STAB2: variants seen among roughly 807,000 people sequenced by gnomAD.
STAB2 encodes the protein stabilin-2.
STAB2 carries 288 observed loss-of-function variants against 338.1 expected under a neutral mutation model. The observed-to-expected ratio is 0.85, with a 90% CI of 0.77 to 0.94. STAB2 has a LOEUF of 0.94. STAB2 is among the 40% of genes least tolerant of loss of function. The probability of loss-of-function intolerance (pLI) is 0.00; values close to 1 mark genes in which losing one functional copy is unlikely to be tolerated. For synonymous variants in STAB2, 1,202 were observed against 1,193.3 expected, an observed-to-expected ratio of 1.01 and a Z score of -0.15; for missense variants, 3,141 against 3,210.1, an observed-to-expected ratio of 0.98 and a Z score of 0.52.
At chr12:103,680,723 A>AC (rs1222543437) in intron 25 of STAB2, among the ~76,000 whole-genome samples, 33 of 152,298 alleles carry the variant, frequency 2.2e-4, no homozygotes, top group African/African-American at 7.9e-4. Context: ...CCTGCACCTC[A>AC]CCCTGGGGTG....
chr12:103,705,100 A>G (rs1300827962), intron 36 of STAB2: 4 of 156,586 alleles, frequency 2.6e-5, no homozygotes, highest in Non-Finnish European at 5.6e-5. Flanking sequence ...TACATTACAA[A>G]GAATACTCAT....
In STAB2 at chr12:103,737,661, T is replaced by C; in HGVS notation, c.5578T>C (p.Cys1860Arg). 1 of 1,570,934 alleles carries C rather than the reference T, an allele frequency of 6.4e-7. No individual in the cohort carries two copies. The highest frequency in any genetic ancestry group is 8.7e-7 in the Non-Finnish European group (1 of 1,154,782). The part of the protein sequence containing the change: ...IGDLFLNGQT[C>R]RIVQRELLFD... Reference sequence around the variant, plus strand: ...TGACCTCTTTCTGAATGGCCAAACCTGCAGAATTGTGCAGCGGGAGCTCTT... The same window carrying C: ...TGACCTCTTTCTGAATGGCCAAACCCGCAGAATTGTGCAGCGGGAGCTCTT... Residue 1860 changes from cysteine (C) to arginine (R), a missense_variant, in exon 53 of 69, where the codon TGC (cysteine) becomes CGC (arginine). By Grantham distance (180) the Cys-to-Arg change is radical. Coordinates refer to ENST00000388887, the MANE Select transcript of STAB2 (RefSeq NM_017564.10).
intron 18 of STAB2, among the ~76,000 whole-genome samples, chr12:103,664,425 T>A (rs1874899527): frequency 6.6e-6 from 1 of 152,204 alleles, no homozygotes; most frequent in Non-Finnish European, 1.5e-5. Context: ...ATTACAGGCG[T>A]GAGCCACCGC....
At chr12:103,606,845 G>T (rs557270457) in intron 3 of STAB2, among the ~76,000 whole-genome samples, 1 of 152,080 alleles carries the variant, frequency 6.6e-6, no homozygotes, top group Admixed American at 6.6e-5. Flanking sequence ...TTGGCTGGGC[G>T]TGGTGGCACA....
At chr12:103,671,914 G>T (rs189984078) in intron 22 of STAB2, among the ~76,000 whole-genome samples, 1 of 152,200 alleles carries the variant, frequency 6.6e-6, no homozygotes, top group East Asian at 1.9e-4. Context: ...TAAGCTAACA[G>T]CTCGTTGTGG....
chr12:103,625,688 C>G (rs1184634089), intron 5 of STAB2, among the ~76,000 whole-genome samples: 1 of 152,186 alleles, frequency 6.6e-6, no homozygotes, highest in Non-Finnish European at 1.5e-5. Flanking sequence ...AGGACATGAA[C>G]TCATCATTTT....
At chr12:103,613,862 T>C (rs753081559) in intron 3 of STAB2, among the ~76,000 whole-genome samples, 66 of 152,346 alleles carry the variant, frequency 4.3e-4, no homozygotes, top group Non-Finnish European at 7.9e-4. Context: ...TTAATACTGC[T>C]TGTCTTTAAG....
At chr12:103,659,923 G>C (rs1026686955) in intron 15 of STAB2, among the ~76,000 whole-genome samples, 9 of 152,222 alleles carry the variant, frequency 5.9e-5, no homozygotes, top group African/African-American at 2.2e-4. Context: ...GACTGTCTTA[G>C]AAAATCCAGA....
chr12:103,652,216 T>C (rs1873795367), intron 11 of STAB2, among the ~76,000 whole-genome samples: 1 of 152,246 alleles, frequency 6.6e-6, no homozygotes, highest in Non-Finnish European at 1.5e-5. Context: ...TCAAGATAGA[T>C]TCCTTGTTCC....
intron 40 of STAB2, among the ~76,000 whole-genome samples, chr12:103,711,973 T>C (rs913514892): frequency 1.3e-5 from 2 of 152,220 alleles, no homozygotes; most frequent in Admixed American, 1.3e-4. Context: ...GAGTCCAACG[T>C]TGAATCCCTC....
At chr12:103,711,400 C>T (rs2139001517) in intron 39 of STAB2, 71 bp from the exon 40 acceptor site, 3 of 1,601,000 alleles carry the variant, frequency 1.9e-6, no homozygotes, top group Non-Finnish European at 2.6e-6. Flanking sequence ...CTTTTCTGAG[C>T]ACAAAATACT....
chr12:103,603,103 C>T (rs1415125838), intron 3 of STAB2, among the ~76,000 whole-genome samples: 1 of 152,058 alleles, frequency 6.6e-6, no homozygotes, highest in Non-Finnish European at 1.5e-5. Context: ...TGGAGTCTCG[C>T]TCTGTTGCCC....
intron 3 of STAB2, among the ~76,000 whole-genome samples, chr12:103,603,294 T>C (rs1448643835): frequency 2.0e-5 from 3 of 152,112 alleles, no homozygotes; most frequent in Non-Finnish European, 4.4e-5. Flanking sequence ...ATGGTCTCGA[T>C]CTCCTGACCT....
rs769361255 is a variant in STAB2, at chr12:103,708,510, G to A, written c.4262G>A (p.Gly1421Asp). 1.9e-6 allele frequency: 3 copies of A among 1,614,064 alleles called. No individual in the cohort carries two copies. The highest frequency in any genetic ancestry group is 1.7e-5 in the Admixed American group (1 of 60,034). Residue 1421 changes from glycine (G) to aspartate (D), a missense_variant, in exon 39 of 69, where the codon GGC (glycine) becomes GAC (aspartate). By Grantham distance (94) the Gly-to-Asp change is moderately conservative. Coordinates refer to ENST00000388887, the MANE Select transcript of STAB2 (RefSeq NM_017564.10). ...LGDGSCDCDV[G>D]WRGVHCDNAT... The stretch of plus-strand genomic sequence containing the variant: ...GATGGCTCCTGTGACTGTGATGTTG[G>A]CTGGCGAGGAGTGCATTGTGACAAT...
Position 103,638,128 on chromosome 12 carries a change from G to A in STAB2, c.822G>A (p.Val274=). ...CQEGYRGDGQ[V]CLPVDPCQIN... ...AAGGCTACCGTGGGGATGGCCAAGT[G>A]TGCTTGCCTGTGGACCCCTGCCAAA... The change falls in exon 8 of 69, where the codon GTG becomes GTA. Residue 274 remains valine (V), a synonymous_variant. Transcript: ENST00000388887. 1 of 1,614,226 alleles carries A rather than the reference G, an allele frequency of 6.2e-7. No individual in the cohort carries two copies. The highest frequency in any genetic ancestry group is 8.5e-7 in the Non-Finnish European group (1 of 1,180,042).
At chr12:103,734,804 C>T (rs1379720025) in intron 51 of STAB2, among the ~76,000 whole-genome samples, 2 of 152,066 alleles carry the variant, frequency 1.3e-5, no homozygotes, top group African/African-American at 4.8e-5. Context: ...CAAGGTTGTT[C>T]CTTCTGGAGT....
At chr12:103,666,917 A>G (rs1875160878) in intron 19 of STAB2, among the ~76,000 whole-genome samples, 2 of 152,238 alleles carry the variant, frequency 1.3e-5, no homozygotes, top group Admixed American at 1.3e-4. Context: ...GAGGATGAAT[A>G]AGAAATCATT....
intron 12 of STAB2, among the ~76,000 whole-genome samples, chr12:103,653,348 A>G (rs573853478): frequency 6.6e-6 from 1 of 152,330 alleles, no homozygotes; most frequent in African/African-American, 2.4e-5. Context: ...ATGGGGATAA[A>G]TCTTTATCTT....
At chr12:103,632,625 C>T (rs534290974) in intron 6 of STAB2, among the ~76,000 whole-genome samples, 1 of 152,298 alleles carries the variant, frequency 6.6e-6, no homozygotes, top group East Asian at 1.9e-4. Flanking sequence ...GCCAAGGATG[C>T]AAGGTCAGCC....
Sources: gnomAD v4.1 joint callset for allele counts (sites outside exome capture counted in the v4.1 genomes callset) on GRCh38, gnomAD v4.1.1 for gene constraint, MANE v1.5 for transcripts, NCBI Gene and HGNC (gene_info 2026-07-23, HGNC 2026-07-21) for gene names.